Variants in MAP4K5 observed in about 807,000 individuals in gnomAD.
MAP4K5 encodes mitogen-activated protein kinase kinase kinase kinase 5, also known as MAPK/ERK kinase kinase kinase 5.
A neutral mutation model predicts 135.6 loss-of-function variants in MAP4K5; 82 were observed. That is an observed-to-expected ratio of 0.60 (90% CI 0.51 to 0.73). The LOEUF (loss-of-function observed/expected upper bound fraction) is 0.73, where lower values mean the gene tolerates loss of function less well. MAP4K5 is among the 30% of genes least tolerant of loss of function. The pLI is 0.00. For synonymous variants in MAP4K5, 347 were observed against 335.0 expected, an observed-to-expected ratio of 1.04 and a Z score of -0.39; for missense variants, 907 against 1,010.9, an observed-to-expected ratio of 0.90 and a Z score of 1.39.
intron 4 of MAP4K5, 31 bp downstream of exon 4, chr14:50,486,073 C>G (rs2037356321): frequency 2.5e-6 from 2 of 800,650 alleles, no homozygotes; most frequent in Non-Finnish European, 4.1e-6. Flanking sequence ...ATATAAAATA[C>G]AGAGAGAGAT....
intron 18 of MAP4K5, 60 bp downstream of exon 18, chr14:50,444,981 C>A: frequency 6.7e-7 from 1 of 1,498,134 alleles, no homozygotes; most frequent in Non-Finnish European, 9.0e-7. Flanking sequence ...TTGATTTATT[C>A]ACCCAGATAA....
intron 2 of MAP4K5, among the ~76,000 whole-genome samples, chr14:50,526,077 C>T (rs1391107186): frequency 6.6e-6 from 1 of 152,214 alleles, no homozygotes; most frequent in Non-Finnish European, 1.5e-5. Context: ...TTTGCACATA[C>T]TATACCCAAA....
intron 2 of MAP4K5, chr14:50,505,254 C>T (rs548281897): frequency 1.3e-3 from 215 of 167,816 alleles, no homozygotes; most frequent in Non-Finnish European, 2.4e-3. Flanking sequence ...AAACAGTGAA[C>T]ATTTCAGTGT....
chr14:50,523,311 C>CA lies in MAP4K5; in HGVS notation c.108+8630dup, dbSNP rs111516627. 5.2e-3 allele frequency among the ~76,000 whole-genome samples: 764 copies of CA among 145,652 alleles called. 6 individuals carry two copies. Among genetic ancestry groups the CA allele is most frequent in the African/African-American group, 0.014 (555 of 39,788 alleles). On this transcript the variant is annotated intron_variant, in intron 2 of 32. Coordinates refer to ENST00000682126, the MANE Select transcript of MAP4K5 (RefSeq NM_006575.6). ...GGGCAACAAGAGCGAAACTCTGTCT[C>CA]AAAAAAAAAAATCATAAATAAATAA...
At chr14:50,517,434 G>A (rs757157362) in intron 2 of MAP4K5, among the ~76,000 whole-genome samples, 14 of 151,202 alleles carry the variant, frequency 9.3e-5, no homozygotes, top group East Asian at 2.0e-4. Context: ...TTACAGGAAT[G>A]AGCCACCGCG....
intron 14 of MAP4K5, among the ~76,000 whole-genome samples, chr14:50,451,656 T>C (rs1167623970): frequency 6.6e-6 from 1 of 152,064 alleles, no homozygotes; most frequent in Non-Finnish European, 1.5e-5. Flanking sequence ...CTTACAGATA[T>C]GTTACAGGTT....
intron 9 of MAP4K5, among the ~76,000 whole-genome samples, chr14:50,471,481 A>T (rs957381446): frequency 6.6e-6 from 1 of 152,184 alleles, no homozygotes; most frequent in Non-Finnish European, 1.5e-5. Context: ...AAAGTAATTC[A>T]CATTGGAGAA....
chr14:50,435,468 A>C (rs1253157619), intron 26 of MAP4K5, among the ~76,000 whole-genome samples: 1 of 152,008 alleles, frequency 6.6e-6, no homozygotes, highest in Non-Finnish European at 1.5e-5. Context: ...AGGCTCAAGC[A>C]ATCCTCCCAC....
intron 3 of MAP4K5, among the ~76,000 whole-genome samples, chr14:50,503,809 T>G (rs2037755225): frequency 6.6e-6 from 1 of 152,026 alleles, no homozygotes; most frequent in African/African-American, 2.4e-5. Flanking sequence ...GGACATAACT[T>G]GAATAACCAT....
intron 30 of MAP4K5, among the ~76,000 whole-genome samples, chr14:50,426,362 C>T (rs551539997): frequency 1.3e-5 from 2 of 152,114 alleles, no homozygotes; most frequent in African/African-American, 4.8e-5. Flanking sequence ...AATACTGTTA[C>T]ATATTCAGAA....
rs568358094 is a variant in MAP4K5 at position 50,523,472 on chromosome 14, G to A, written c.108+8470C>T. 5.3e-5 allele frequency among the ~76,000 whole-genome samples: 8 copies of A among 152,196 alleles called. No homozygotes were observed. In the East Asian group the frequency reaches 9.7e-4, roughly 18 times the overall value. On this transcript the variant is annotated intron_variant, in intron 2 of 32. Transcript: ENST00000682126. The stretch of plus-strand genomic sequence containing the variant: ...GGTTCCGGTGACTCAATAAGAAAGA[G>A]ATTTAAGACTTCCTTTGATTACCCA...
rs2037726752 is a variant in MAP4K5, at chr14:50,502,456, G to T, written c.166+2344C>A. On this transcript the variant is annotated intron_variant, in intron 3 of 32. Transcript: ENST00000682126. ...AATTAGACAGTGTAAGAGGGAAAAA[G>T]GAAGCCATTCCCAATAGCGAGAAAT... Among the ~76,000 whole-genome samples the T allele has an allele frequency of 2.0e-5, 3 of 152,224 alleles. 1 individual carries two copies. In the South Asian group the frequency reaches 6.2e-4, roughly 32 times the overall value.
At chr14:50,544,688 C>G (rs2140150719) in intron 1 of MAP4K5, among the ~76,000 whole-genome samples, 1 of 152,114 alleles carries the variant, frequency 6.6e-6, no homozygotes, top group Non-Finnish European at 1.5e-5. Flanking sequence ...AATCTCAGAG[C>G]TTTGGGAGGC....
intron 30 of MAP4K5, among the ~76,000 whole-genome samples, 176 bp downstream of exon 30, chr14:50,428,486 G>C (rs1216727333): frequency 1.3e-5 from 2 of 152,160 alleles, no homozygotes; most frequent in Non-Finnish European, 2.9e-5. Context: ...TTGAACTCCT[G>C]ACCTTGTGAT....
At chr14:50,446,580 A>G (rs1315741072) in intron 16 of MAP4K5, among the ~76,000 whole-genome samples, 4 of 152,216 alleles carry the variant, frequency 2.6e-5, no homozygotes. Flanking sequence ...AATAAGTTTG[A>G]GAAGCACTTA....
rs540045489 is a variant in MAP4K5 at position 50,518,092 on chromosome 14, A to C, written c.109-13235T>G. 9.2e-5 allele frequency among the ~76,000 whole-genome samples: 14 copies of C among 152,282 alleles called. No individual in the cohort carries two copies. In the South Asian group the frequency reaches 2.9e-3, roughly 32 times the overall value. The stretch of plus-strand genomic sequence containing the variant: ...GGGGCAGATTTTAGATCCATATAAG[A>C]AAGTTTTCTCTAGCAATTAAAACGT... On this transcript the variant is annotated intron_variant, in intron 2 of 32. Coordinates refer to ENST00000682126, the MANE Select transcript of MAP4K5 (RefSeq NM_006575.6).
chr14:50,478,393 TC>T (rs966862051), intron 6 of MAP4K5, among the ~76,000 whole-genome samples: 10 of 152,244 alleles, frequency 6.6e-5, no homozygotes, highest in South Asian at 2.1e-4. Context: ...CTATTTTTTT[TC>T]CTTTCCATTT....
At chr14:50,545,962 C>G (rs1463773976) in intron 1 of MAP4K5, among the ~76,000 whole-genome samples, 1 of 152,152 alleles carries the variant, frequency 6.6e-6, no homozygotes, top group East Asian at 1.9e-4. Context: ...CTCTATTTCT[C>G]TCTTTTCTTT....
chr14:50,441,077 G>A (rs570357639), intron 21 of MAP4K5, among the ~76,000 whole-genome samples: 101 of 152,210 alleles, frequency 6.6e-4, no homozygotes, highest in African/African-American at 2.4e-3. Flanking sequence ...CATATCGCAT[G>A]GAATAAAATA....
Sources: gnomAD v4.1 joint callset for allele counts (sites outside exome capture counted in the v4.1 genomes callset) on GRCh38, gnomAD v4.1.1 for gene constraint, MANE v1.5 for transcripts, NCBI Gene and HGNC (gene_info 2026-07-23, HGNC 2026-07-21) for gene names.